Variants in PTPRM observed in about 807,000 individuals in gnomAD.
PTPRM encodes receptor-type tyrosine-protein phosphatase mu.
PTPRM carries 47 observed loss-of-function variants against 186.7 expected under a neutral mutation model. The observed-to-expected ratio is 0.25, with a 90% CI of 0.20 to 0.32. The LOEUF is 0.32. PTPRM is among the 10% of genes least tolerant of loss of function. PTPRM has a pLI of 1.00. For synonymous variants in PTPRM, 668 were observed against 674.9 expected (o/e 0.99, Z 0.16); for missense variants, 1,494 against 1,865.0 (o/e 0.80, Z 3.66).
chr18:7,567,832 G>C lies in PTPRM; in HGVS notation c.14G>C (p.Gly5Ala). 6.4e-7 allele frequency: 1 copy of C among 1,559,232 alleles called. No homozygotes were observed. The highest frequency in any genetic ancestry group is 8.6e-7 in the Non-Finnish European group (1 of 1,156,464). Residue 5 changes from glycine to alanine, a missense_variant, in exon 1 of 33, where the codon GGG becomes GCG. Around this residue, in one of 3 missense-constraint regions of PTPRM, gnomAD observed 296 missense variants for 345.5 expected, o/e 0.86. Coordinates refer to ENST00000580170, the MANE Select transcript of PTPRM (RefSeq NM_001105244.2). The surrounding 1 kb of genome is among the most constrained non-coding windows in gnomAD (Gnocchi z 4.3). Reference sequence around the variant, plus strand: ...GCACTCAGCACCATGAGGGGACTTGGGACTTGCCTGGCGACTTTGGCCGGA... The same window carrying C: ...GCACTCAGCACCATGAGGGGACTTGCGACTTGCCTGGCGACTTTGGCCGGA... MRGL[G>A]TCLATLAGLL...
intron 13 of PTPRM, among the ~76,000 whole-genome samples, chr18:8,135,329 C>T (rs907775690): frequency 6.6e-5 from 10 of 152,156 alleles, no homozygotes; most frequent in Non-Finnish European, 1.2e-4. Flanking sequence ...TTAAGGATAA[C>T]AACACAATTA....
chr18:7,708,719 C>A (rs2040149162), intron 1 of PTPRM, among the ~76,000 whole-genome samples: 1 of 152,104 alleles, frequency 6.6e-6, no homozygotes, highest in Non-Finnish European at 1.5e-5. Context: ...AGAGGCTAGA[C>A]TCCACAGTTC....
intron 32 of PTPRM, among the ~76,000 whole-genome samples, chr18:8,396,951 CTG>C (rs1235443324): frequency 6.6e-6 from 1 of 152,166 alleles, no homozygotes; most frequent in African/African-American, 2.4e-5. Flanking sequence ...TGTATGTTGT[CTG>C]AGAGAATTAA....
At chr18:8,132,241 G>T (rs149788223) in intron 13 of PTPRM, among the ~76,000 whole-genome samples, 89 of 152,220 alleles carry the variant, frequency 5.8e-4, no homozygotes, top group East Asian at 5.6e-3. Context: ...CTTTGTGATT[G>T]TAGTACCAAT....
At chr18:8,105,021 A>G (rs972226902) in intron 11 of PTPRM, among the ~76,000 whole-genome samples, 1 of 152,188 alleles carries the variant, frequency 6.6e-6, no homozygotes, top group Non-Finnish European at 1.5e-5. Flanking sequence ...GGCTAAATGC[A>G]CTTTTGTCAC....
chr18:8,138,430 TACCAGCAGATCCCACCCATGCCCAG>T (rs2092688364), intron 13 of PTPRM, among the ~76,000 whole-genome samples: 1 of 152,102 alleles, frequency 6.6e-6, no homozygotes, highest in African/African-American at 2.4e-5. Flanking sequence ...CCTGGTTGGC[TACCAGCAGATCCCACCCATGCCCAG>T]CCTGGGACAT....
intron 1 of PTPRM, among the ~76,000 whole-genome samples, chr18:7,649,872 C>T (rs1359482548): frequency 1.3e-5 from 2 of 152,070 alleles, no homozygotes; most frequent in East Asian, 3.8e-4. Flanking sequence ...TATGACTAGC[C>T]ATAGGCTCAG....
chr18:7,775,282 C>T (rs1053970792), intron 2 of PTPRM, among the ~76,000 whole-genome samples: 1 of 152,158 alleles, frequency 6.6e-6, no homozygotes, highest in African/African-American at 2.4e-5. Context: ...CTTCACTGGA[C>T]CTCAAAACCT....
intron 2 of PTPRM, among the ~76,000 whole-genome samples, chr18:7,873,636 T>C (rs1265738711): frequency 6.6e-6 from 1 of 152,158 alleles, no homozygotes; most frequent in Non-Finnish European, 1.5e-5. Context: ...GAAGTCAAGA[T>C]GATTGCTTGT....
rs2095166843 is a variant in PTPRM, at chr18:8,302,264, G to C, written c.2842+5809G>C. On this transcript the variant is annotated intron_variant, in intron 20 of 32. Transcript: ENST00000580170. ...GAAAACAACTGAACAAGAGGGGACG[G>C]AGCAGGGAGGATGCTGCAGAATTGG... Among the ~76,000 whole-genome samples the C allele has an allele frequency of 2.0e-5, 3 of 152,178 alleles. No homozygotes were observed. In the South Asian group the frequency reaches 6.2e-4, roughly 32 times the overall value.
At chr18:8,091,255 G>T (rs966305711) in intron 11 of PTPRM, among the ~76,000 whole-genome samples, 3 of 151,986 alleles carry the variant, frequency 2.0e-5, no homozygotes, top group South Asian at 4.1e-4. Flanking sequence ...ATAACATCCC[G>T]GTTTCCAAGT....
chr18:8,030,829 G>T (rs575229920), intron 7 of PTPRM, among the ~76,000 whole-genome samples: 2 of 152,210 alleles, frequency 1.3e-5, no homozygotes, highest in Non-Finnish European at 2.9e-5. Flanking sequence ...ACTTTTGAAA[G>T]ATTCTTTATA....
intron 1 of PTPRM, among the ~76,000 whole-genome samples, chr18:7,661,077 A>AG (rs2038969711): frequency 6.6e-6 from 1 of 152,226 alleles, no homozygotes; most frequent in Non-Finnish European, 1.5e-5. Context: ...CAGCAGAAAT[A>AG]TGTTTTGAAG....
intron 30 of PTPRM, 82 bp from the exon 31 acceptor site, chr18:8,386,990 G>A (rs917447716): frequency 1.5e-6 from 2 of 1,367,288 alleles, no homozygotes; most frequent in South Asian, 1.3e-5. Flanking sequence ...GGAAGATCAA[G>A]TAAGTGGAAT....
intron 14 of PTPRM, among the ~76,000 whole-genome samples, chr18:8,232,295 T>C (rs1191646647): frequency 6.6e-6 from 1 of 152,252 alleles, no homozygotes; most frequent in Non-Finnish European, 1.5e-5. Context: ...AGCTTATTCC[T>C]TTGTAACACT....
In PTPRM at chr18:8,280,004, C is replaced by T. The variant is rs141616433; in HGVS notation, c.2755-16364C>T. Among the ~76,000 whole-genome samples, 66 of 152,286 alleles carry T rather than the reference C, an allele frequency of 4.3e-4. No homozygotes were observed. In the East Asian group the frequency reaches 9.1e-3, roughly 21 times the overall value. Reference sequence around the variant, plus strand: ...GGCATTCAGGGTTACACATCAGAATCGCTTCCATTTAATGTGTGTGCAGCC... The same window carrying T: ...GGCATTCAGGGTTACACATCAGAATTGCTTCCATTTAATGTGTGTGCAGCC... On this transcript the variant is annotated intron_variant, in intron 19 of 32. Coordinates refer to ENST00000580170, the MANE Select transcript of PTPRM (RefSeq NM_001105244.2).
intron 1 of PTPRM, among the ~76,000 whole-genome samples, chr18:7,671,124 G>C (rs1028235124): frequency 1.3e-5 from 2 of 152,122 alleles, no homozygotes; most frequent in East Asian, 1.9e-4. Flanking sequence ...CAGGTCTTTA[G>C]TTTATTGCTT....
At chr18:8,047,017 G>C (rs534786783) in intron 7 of PTPRM, among the ~76,000 whole-genome samples, 67 of 152,244 alleles carry the variant, frequency 4.4e-4, no homozygotes, top group African/African-American at 1.6e-3. Context: ...TTCTTAATTT[G>C]AAAGATTTGA....
intron 23 of PTPRM, among the ~76,000 whole-genome samples, chr18:8,344,448 G>GTGTGTATGTATATATATA (rs1360655194): frequency 1.5e-4 from 5 of 33,420 alleles, no homozygotes; most frequent in African/African-American, 3.7e-4. Flanking sequence ...GTGTGTGTGT[G>GTGTGTATGTATATATATA]TATATATATA....
Sources: allele counts gnomAD v4.1 joint callset (sites outside exome capture counted in the v4.1 genomes callset), GRCh38; gene constraint gnomAD v4.1.1; regional missense constraint gnomAD v4.1.1; non-coding constraint Gnocchi (gnomAD v3.1); transcripts MANE v1.5; gene names NCBI Gene and HGNC (gene_info 2026-07-23, HGNC 2026-07-21).